ETNPPL: variants seen among roughly 807,000 people sequenced by gnomAD.
ETNPPL encodes the protein alanine--glyoxylate aminotransferase 2-like 1.
ETNPPL carries 30 observed loss-of-function variants against 55.5 expected under a neutral mutation model. The observed-to-expected ratio is 0.54, with a 90% CI of 0.40 to 0.73. The LOEUF (loss-of-function observed/expected upper bound fraction) is 0.73, where lower values mean the gene tolerates loss of function less well. ETNPPL is among the 30% of genes least tolerant of loss of function. ETNPPL has a pLI of 0.00. For missense variants in ETNPPL, 528 were observed against 607.9 expected (o/e 0.87, Z 1.38); for synonymous variants, 202 against 207.2 (o/e 0.98, Z 0.21).
At position 108,743,927 on chromosome 4, in the gene ETNPPL, C is replaced by T. The variant is rs1026858965; in HGVS notation, c.1304-71G>A. 1.3e-5 allele frequency: 12 copies of T among 931,014 alleles called. No individual in the cohort carries two copies. In the African/African-American group the frequency reaches 1.8e-4, roughly 14 times the overall value. 57.7% of individuals were successfully genotyped at this position (931,014 alleles called of 1,614,324 possible). A position where few individuals can be genotyped will look rare whatever the true frequency, so the allele number is the denominator to read the frequency against. On this transcript the variant is annotated intron_variant, in intron 11 of 12. Coordinates refer to ENST00000296486, the MANE Select transcript of ETNPPL (RefSeq NM_031279.4). ...CCTTAAGAAAAAAACTTTTTGGTAT[C>T]TTAGCAATACCTTTAATGAAGAATG...
chr4:108,749,311 G>C lies in ETNPPL; in HGVS notation c.854C>G (p.Pro285Arg). 1 of 1,614,028 alleles carries C rather than the reference G, an allele frequency of 6.2e-7. No homozygotes were observed. Reference sequence around the variant, plus strand: ...TTTGGTTGTTACCACACATGCCACCGGGTGGCCGTTGCCCATCGGTTTTCC... The same window carrying C: ...TTTGGTTGTTACCACACATGCCACCCGGTGGCCGTTGCCCATCGGTTTTCC... The part of the protein sequence containing the change: ...TMGKPMGNGH[P>R]VACVVTTKEI... The change falls in exon 8 of 13, where the codon CCG (proline) becomes CGG (arginine). Residue 285 changes from proline to arginine, a missense_variant. By Grantham distance (103) the Pro-to-Arg change is moderately radical. Transcript: ENST00000296486.
At chr4:108,756,575 G>T (rs990054104) in intron 3 of ETNPPL, 83 bp from the exon 4 acceptor site, 8 of 1,043,382 alleles carry the variant, frequency 7.7e-6, no homozygotes, top group East Asian at 2.4e-5. Flanking sequence ...GGTAGCTCAC[G>T]CCTGTAATCC....
intron 6 of ETNPPL, among the ~76,000 whole-genome samples, chr4:108,752,092 C>T (rs780896660): frequency 6.6e-5 from 10 of 151,044 alleles, no homozygotes; most frequent in Non-Finnish European, 1.5e-4. Flanking sequence ...TAAGAAGATA[C>T]GAAAAACAAA....
chr4:108,749,885 A>G (rs1373992689), intron 7 of ETNPPL, among the ~76,000 whole-genome samples: 1 of 151,990 alleles, frequency 6.6e-6, no homozygotes, highest in South Asian at 2.1e-4. Context: ...TATTTTTAAA[A>G]AGGTTTTGTA....
chr4:108,760,089 C>T, intron 2 of ETNPPL, 99 bp downstream of exon 2: 2 of 1,045,922 alleles, frequency 1.9e-6, no homozygotes, highest in Admixed American at 1.9e-5. Flanking sequence ...AGCAAAGGAA[C>T]TGCAGCCACT....
Position 108,762,944 on chromosome 4 carries a change from G to A in ETNPPL, c.-46C>T, listed in dbSNP as rs759398554. The A allele has an allele frequency of 6.3e-7, 1 of 1,583,252 alleles. No individual in the cohort carries two copies. Among genetic ancestry groups the A allele is most frequent in the South Asian group, 1.1e-5 (1 of 90,236 alleles). ...TGCGAAGGTGCAAGGTGCAAGGTCT[G>A]CGCGCCTCCTACGCGAGCCTGGGAC... On this transcript the variant is annotated 5_prime_UTR_variant, in exon 1 of 13. Transcript: ENST00000296486.
intron 4 of ETNPPL, 137 bp from the exon 5 acceptor site, chr4:108,754,847 T>A: frequency 1.6e-6 from 1 of 628,806 alleles, no homozygotes; most frequent in South Asian, 1.9e-5. Context: ...CAGATTTGAC[T>A]ATATGGGATC....
intron 4 of ETNPPL, 40 bp from the exon 5 acceptor site, chr4:108,754,750 TC>T: frequency 8.8e-7 from 1 of 1,134,834 alleles, no homozygotes; most frequent in Non-Finnish European, 1.3e-6. Context: ...TCAAAATAAT[TC>T]CAAGAGAGAT....
chr4:108,750,349 T>G (rs1478016530), intron 7 of ETNPPL, among the ~76,000 whole-genome samples: 1 of 151,916 alleles, frequency 6.6e-6, no homozygotes, highest in Non-Finnish European at 1.5e-5. Context: ...GCCTACATCT[T>G]TCTCCCATGC....
intron 8 of ETNPPL, 21 bp from the exon 9 acceptor site, chr4:108,748,180 A>G: frequency 6.5e-7 from 1 of 1,544,898 alleles, no homozygotes; most frequent in Non-Finnish European, 8.7e-7. Context: ...AAAAAAGACA[A>G]ATGAGAAAAT....
intron 10 of ETNPPL, 32 bp from the exon 11 acceptor site, chr4:108,746,561 T>C: frequency 1.9e-6 from 3 of 1,607,130 alleles, no homozygotes; most frequent in Middle Eastern, 2.2e-4. Flanking sequence ...TGTGAGTGTA[T>C]GCAAAGGATA....
In ETNPPL at chr4:108,742,355, C is replaced by A. The variant is rs1391184339; in HGVS notation, c.*129G>T. The A allele has an allele frequency of 4.4e-5, 40 of 912,894 alleles. No individual in the cohort carries two copies. The East Asian group carries it at 9.1e-4, about 21-fold the overall frequency. The allele number at this position is 912,894 out of a possible 1,614,324, so 56.5% of individuals were successfully genotyped here. On this transcript the variant is annotated 3_prime_UTR_variant, in exon 13 of 13. Transcript: ENST00000296486. Reference sequence around the variant, plus strand: ...TTGGTTTATTCTGATTACTCATTTACCTTTTCATTTATGAATCTAAACTGA... The same window carrying A: ...TTGGTTTATTCTGATTACTCATTTAACTTTTCATTTATGAATCTAAACTGA...
In ETNPPL at chr4:108,747,958, T is replaced by C. The variant is rs771562263; in HGVS notation, c.1082+47A>G. 1.1e-5 allele frequency: 17 copies of C among 1,509,076 alleles called. No homozygotes were observed. The East Asian group carries it at 3.7e-4, about 33-fold the overall frequency. The allele number at this position is 1,509,076 out of a possible 1,614,324, so 93.5% of individuals were successfully genotyped here. ...TTGCCCAGCCTATAAACTATTATTA[T>C]TTTGAAAAAAATGAGTAACTACATG... On this transcript the variant is annotated intron_variant, in intron 9 of 12. Transcript: ENST00000296486.
chr4:108,758,294 T>A (rs779499927), intron 3 of ETNPPL, among the ~76,000 whole-genome samples: 1 of 152,082 alleles, frequency 6.6e-6, no homozygotes, highest in Non-Finnish European at 1.5e-5. Flanking sequence ...CGAACCATAT[T>A]TCGTTTTTAA....
Position 108,760,183 on chromosome 4 carries a change from T to G in ETNPPL, c.175+5A>C, listed in dbSNP as rs895087087. 22 of 1,562,858 alleles carry G rather than the reference T, an allele frequency of 1.4e-5. No individual in the cohort carries two copies. Among genetic ancestry groups the G allele is most frequent in the Middle Eastern group, 1.7e-4 (1 of 5,998 alleles). On this transcript the variant is annotated splice_donor_5th_base_variant and intron_variant, in intron 2 of 12. Transcript: ENST00000296486. Reference sequence around the variant, plus strand: ...TCCAAAGCACTGCAAGGACAGGACATTTACCATGGGCAACATTGTTGATGC... The same window carrying G: ...TCCAAAGCACTGCAAGGACAGGACAGTTACCATGGGCAACATTGTTGATGC...
chr4:108,754,524 C>A, intron 5 of ETNPPL, 96 bp downstream of exon 5: 1 of 715,702 alleles, frequency 1.4e-6, no homozygotes, highest in Non-Finnish European at 2.4e-6. Context: ...ATTTTAGTTT[C>A]TCTTTCATGG....
chr4:108,752,934 C>T lies in ETNPPL; in HGVS notation c.579G>A (p.Val193=), dbSNP rs781118542. The T allele has an allele frequency of 2.5e-6, 4 of 1,611,910 alleles. No individual in the cohort carries two copies. Among genetic ancestry groups the T allele is most frequent in the Non-Finnish European group, 3.4e-6 (4 of 1,178,530 alleles). ...TATGAGCATCTTCAATGATTTTCTT[C>T]ACTTCATCTGCATAAGCACTGGCTG... ...ADSASAYADE[V]KKIIEDAHNS... Residue 193 remains valine (V), a synonymous_variant, in exon 6 of 13, where the codon GTG becomes GTA. Transcript: ENST00000296486.
intron 9 of ETNPPL, chr4:108,747,686 A>G (rs1728673769): frequency 5.8e-6 from 1 of 171,854 alleles, no homozygotes; most frequent in Admixed American, 6.4e-5. Flanking sequence ...TTCCAGATTT[A>G]GTTTTATGTA....
At chr4:108,747,123 A>ATT (rs1441980458) in intron 9 of ETNPPL, among the ~76,000 whole-genome samples, 5 of 64,224 alleles carry the variant, frequency 7.8e-5, no homozygotes, top group African/African-American at 3.0e-4. Flanking sequence ...AAATGTTAAC[A>ATT]TTATATATAT....
Sources: allele counts gnomAD v4.1 joint callset (sites outside exome capture counted in the v4.1 genomes callset), GRCh38; gene constraint gnomAD v4.1.1; transcripts MANE v1.5; gene names NCBI Gene and HGNC (gene_info 2026-07-23, HGNC 2026-07-21).